Variants in COPS3 observed in about 807,000 individuals in gnomAD.
COPS3 encodes COP9 signalosome subunit 3, also known as COP9 signalosome complex subunit 3.
COPS3 carries 10 observed loss-of-function variants against 58.2 expected under a neutral mutation model. The observed-to-expected ratio is 0.17, with a 90% confidence interval of 0.11 to 0.29. The LOEUF is 0.29. COPS3 is among the 10% of genes least tolerant of loss of function. The pLI is 1.00. For synonymous variants in COPS3, 187 were observed against 181.7 expected, an observed-to-expected ratio of 1.03 and a Z score of -0.24; for missense variants, 333 against 510.1, an observed-to-expected ratio of 0.65 and a Z score of 3.34.
chr17:17,257,329 A>G (rs1161074374), intron 8 of COPS3, among the ~76,000 whole-genome samples: 1 of 151,034 alleles, frequency 6.6e-6, no homozygotes, highest in Non-Finnish European at 1.5e-5. Context: ...GCACCACTGC[A>G]CTCCAGCCTG....
At position 17,249,036 on chromosome 17, in the gene COPS3, C is replaced by G. The variant is rs546444024; in HGVS notation, c.1027G>C (p.Glu343Gln). Residue 343 changes from glutamate to glutamine, a missense_variant, in exon 10 of 12, where the codon GAA becomes CAA. Physicochemically the swap from Glu to Gln is conservative, Grantham distance 29. Transcript: ENST00000268717. Reference sequence around the variant, plus strand: ...ATACTTGCAAAAATCTCACCATCTTCTATCTGCAGAAAGAAAAAAAAAAAA... The same window carrying G: ...ATACTTGCAAAAATCTCACCATCTTGTATCTGCAGAAAGAAAAAAAAAAAA... ...EAEKYVLHMI[E>Q]DGEIFASINQ... 3 of 1,563,266 alleles carry G rather than the reference C, an allele frequency of 1.9e-6. No individual in the cohort carries two copies. In the East Asian group the frequency reaches 6.7e-5, roughly 35 times the overall value.
intron 9 of COPS3, among the ~76,000 whole-genome samples, chr17:17,251,056 G>A (rs948584120): frequency 1.2e-4 from 18 of 152,028 alleles, no homozygotes; most frequent in South Asian, 2.1e-4. Context: ...GTGCAGTGGC[G>A]CAATCTCAGC....
chr17:17,264,077 CATT>C (rs1457288989), intron 6 of COPS3, among the ~76,000 whole-genome samples: 1 of 152,198 alleles, frequency 6.6e-6, no homozygotes, highest in African/African-American at 2.4e-5. Flanking sequence ...ATCAACCACT[CATT>C]GTGGTATGGT....
At chr17:17,279,531 G>A (rs1489737521) in intron 1 of COPS3, among the ~76,000 whole-genome samples, 1 of 152,176 alleles carries the variant, frequency 6.6e-6, no homozygotes. Context: ...AAAGGAAAAA[G>A]AGGAAGAATT....
chr17:17,271,767 C>T lies in COPS3; in HGVS notation c.186-759G>A, dbSNP rs1198741790. On this transcript the variant is annotated intron_variant, in intron 2 of 11. Coordinates refer to ENST00000268717, the MANE Select transcript of COPS3 (RefSeq NM_003653.4). ...CCCGGGAGGTGGAGGTTGCAGTGAG[C>T]TGAGATGGTGCCACTGCACTCCAGC... is the stretch of plus-strand genomic sequence containing the variant. Among the ~76,000 whole-genome samples the T allele has an allele frequency of 2.0e-5, 3 of 149,558 alleles. No homozygotes were observed. The Admixed American group carries it at 2.0e-4, about 10-fold the overall frequency.
rs142074707 is a variant in COPS3 at position 17,265,113 on chromosome 17, T to A, written c.442-132A>T. ...TTTTACATTTTATTGACTAAAATTA[T>A]CTAAATGTCAACACATTTCATGTAT... On this transcript the variant is annotated intron_variant, in intron 5 of 11. Transcript: ENST00000268717. 5.9e-3 allele frequency: 4,577 copies of A among 776,740 alleles called. 20 individuals are homozygous for A. The highest frequency in any genetic ancestry group is 0.011 in the Middle Eastern group (29 of 2,690). The allele number at this position is 776,740 out of a possible 1,614,324, so 48.1% of individuals were successfully genotyped here.
intron 7 of COPS3, among the ~76,000 whole-genome samples, chr17:17,261,418 CG>C (rs2048096969): frequency 2.0e-5 from 3 of 151,734 alleles, no homozygotes; most frequent in Admixed American, 2.0e-4. Flanking sequence ...CCCAGCTACT[CG>C]GGAGGCTAAG....
At chr17:17,248,860 A>G in intron 10 of COPS3, 66 bp downstream of exon 10, 1 of 991,984 alleles carries the variant, frequency 1.0e-6, no homozygotes, top group South Asian at 1.5e-5. Context: ...CCTGGAACAT[A>G]GGAGCAATTT....
chr17:17,262,417 A>G (rs971488360), intron 6 of COPS3, among the ~76,000 whole-genome samples: 2 of 152,052 alleles, frequency 1.3e-5, no homozygotes, highest in African/African-American at 4.8e-5. Flanking sequence ...GTGGGCCACC[A>G]TGCTTGACTA....
chr17:17,270,133 G>C (rs2048313388), intron 4 of COPS3, among the ~76,000 whole-genome samples: 1 of 151,570 alleles, frequency 6.6e-6, no homozygotes, highest in Non-Finnish European at 1.5e-5. Flanking sequence ...CTCCAGCCTA[G>C]GCATCAGAGC....
At chr17:17,262,587 G>A (rs557188308) in intron 6 of COPS3, among the ~76,000 whole-genome samples, 3 of 151,942 alleles carry the variant, frequency 2.0e-5, no homozygotes, top group African/African-American at 7.2e-5. Flanking sequence ...AAAATTAGCC[G>A]GGTGTGGTGG....
intron 2 of COPS3, among the ~76,000 whole-genome samples, chr17:17,271,979 T>C (rs962018932): frequency 1.1e-4 from 17 of 150,104 alleles, no homozygotes; most frequent in Middle Eastern, 3.5e-3. Flanking sequence ...GATGAAAAAT[T>C]CCACTAAATG....
intron 9 of COPS3, among the ~76,000 whole-genome samples, chr17:17,254,397 C>A (rs1252896474): frequency 6.6e-6 from 1 of 151,938 alleles, no homozygotes; most frequent in Admixed American, 6.6e-5. Flanking sequence ...AGGAAACAGA[C>A]CAAATTGTCA....
Position 17,247,989 on chromosome 17 carries a change from C to T in COPS3, c.1138-429G>A, listed in dbSNP as rs1478504457. ...AAACTCCCCCTTCAGCCCCCAGAAT[C>T]AGAGGCAGCATGCCCTCAGGAGACA... On this transcript the variant is annotated intron_variant, in intron 10 of 11. Transcript: ENST00000268717. The T allele has an allele frequency of 1.9e-5, 3 of 158,088 alleles. No homozygotes were observed. In the South Asian group the frequency reaches 5.5e-4, roughly 29 times the overall value. The allele number at this position is 158,088 out of a possible 1,614,324, so 9.8% of individuals were successfully genotyped here. A position where few individuals can be genotyped will look rare whatever the true frequency, so the allele number is the denominator to read the frequency against.
At chr17:17,251,734 G>C (rs1294348466) in intron 9 of COPS3, among the ~76,000 whole-genome samples, 1 of 152,058 alleles carries the variant, frequency 6.6e-6, no homozygotes, top group Admixed American at 6.6e-5. Flanking sequence ...AGAATGTGCT[G>C]TGTGTTTCCT....
At chr17:17,259,132 G>A (rs1428772948) in intron 8 of COPS3, among the ~76,000 whole-genome samples, 1 of 152,026 alleles carries the variant, frequency 6.6e-6, no homozygotes, top group Non-Finnish European at 1.5e-5. Flanking sequence ...TCCATTGCTG[G>A]GTAGCCTAGC....
Position 17,264,993 on chromosome 17 carries a change from T to G in COPS3, c.442-12A>C. 1 of 1,604,696 alleles carries G rather than the reference T, an allele frequency of 6.2e-7. No homozygotes were observed. The highest frequency in any genetic ancestry group is 1.3e-5 in the African/African-American group (1 of 74,522). On this transcript the variant is annotated splice_polypyrimidine_tract_variant and intron_variant, in intron 5 of 11. Coordinates refer to ENST00000268717, the MANE Select transcript of COPS3 (RefSeq NM_003653.4). Reference sequence around the variant, plus strand: ...GCTAGCAAACAAAGCTGTGAACAAATTGATATTAAATCATCACTTTAATTT... The same window carrying G: ...GCTAGCAAACAAAGCTGTGAACAAAGTGATATTAAATCATCACTTTAATTT...
intron 4 of COPS3, among the ~76,000 whole-genome samples, chr17:17,269,493 G>A (rs965234063): frequency 1.3e-5 from 2 of 152,146 alleles, no homozygotes; most frequent in Admixed American, 6.6e-5. Context: ...CTACTCAGGA[G>A]GCTGAGGCAC....
intron 7 of COPS3, chr17:17,261,712 T>C: frequency 2.4e-6 from 1 of 424,936 alleles, no homozygotes; most frequent in South Asian, 2.1e-5. Flanking sequence ...AAAAAAAAAA[T>C]CAACTGTTAT....
Sources: allele counts gnomAD v4.1 joint callset (sites outside exome capture counted in the v4.1 genomes callset), GRCh38; gene constraint gnomAD v4.1.1; transcripts MANE v1.5; gene names NCBI Gene and HGNC (gene_info 2026-07-23, HGNC 2026-07-21).